NDRG2: variants seen among roughly 807,000 people sequenced by gnomAD.
The protein encoded by NDRG2 is protein NDRG2.
In NDRG2, 34 loss-of-function variants were observed where a neutral mutation model predicts 58.2. The observed-to-expected ratio is 0.58, with a 90% CI of 0.44 to 0.78. The LOEUF (loss-of-function observed/expected upper bound fraction) is 0.78. NDRG2 is among the 30% of genes least tolerant of loss of function. The pLI, the probability that NDRG2 is intolerant of heterozygous loss-of-function variation, is 0.00. For synonymous variants in NDRG2, 187 were observed against 175.9 expected, an observed-to-expected ratio of 1.06 and a Z score of -0.50; for missense variants, 434 against 471.2, an observed-to-expected ratio of 0.92 and a Z score of 0.73.
intron 1 of NDRG2, among the ~76,000 whole-genome samples, chr14:21,053,700 A>T (rs1885563098): frequency 6.6e-6 from 1 of 152,116 alleles, no homozygotes; most frequent in Admixed American, 6.6e-5. Context: ...GCTACTCAGG[A>T]GGCTGACGTA....
At chr14:21,056,377 C>T (rs1885675099) in intron 1 of NDRG2, among the ~76,000 whole-genome samples, 1 of 152,158 alleles carries the variant, frequency 6.6e-6, no homozygotes, top group South Asian at 2.1e-4. Flanking sequence ...CTGAGTAATG[C>T]CATCTTTCAA....
In NDRG2 at chr14:21,018,464, A is replaced by T. The variant is rs780991164; in HGVS notation, c.854T>A (p.Phe285Tyr). ...NSKLDPTQTSFLKMADSGGQP... is the reference protein window; with the variant it reads ...NSKLDPTQTSYLKMADSGGQP... ...CAGGAACAGGTTACTGACCTTGAGG[A>T]ACGAGGTCTGGGTGGGGTCCAGTTT... Residue 285 changes from phenylalanine (F) to tyrosine (Y), a missense_variant, in exon 13 of 16, where the codon TTC becomes TAC. By Grantham distance (22) the Phe-to-Tyr change is conservative. Transcript: ENST00000556147. 1.9e-6 allele frequency: 3 copies of T among 1,613,992 alleles called. No homozygotes were observed. The South Asian group carries it at 3.3e-5, about 18-fold the overall frequency.
In NDRG2 at chr14:21,024,857, C is replaced by T. The variant is rs372405202; in HGVS notation, c.-834G>A. 4 of 985,736 alleles carry T rather than the reference C, an allele frequency of 4.1e-6. No homozygotes were observed. The highest frequency in any genetic ancestry group is 1.1e-4 in the East Asian group (1 of 8,796). 61.1% of individuals were successfully genotyped at this position (985,736 alleles called of 1,614,324 possible). On this transcript the variant is annotated 5_prime_UTR_variant, in exon 1 of 16. It adds an upstream start codon to the 5' untranslated region. Coordinates refer to ENST00000556147, the MANE Select transcript of NDRG2 (RefSeq NM_001320329.2). ...CACAACCTCGCGCGCACCCCAAACA[C>T]GCCCTGCAGCTCTTGGAGCCTCAGC...
At chr14:21,041,104 C>T (rs1884876422) in intron 1 of NDRG2, among the ~76,000 whole-genome samples, 1 of 152,068 alleles carries the variant, frequency 6.6e-6, no homozygotes, top group African/African-American at 2.4e-5. Context: ...AGCAATCCTC[C>T]CTCCTCAGCC....
At chr14:21,058,413 C>A in intron 1 of NDRG2, 1 of 1,290,260 alleles carries the variant, frequency 7.8e-7, no homozygotes, top group African/African-American at 1.5e-5. Context: ...GCTGCTTTTC[C>A]TCCCTCCAGT....
chr14:21,068,158 C>T lies in NDRG2; in HGVS notation c.24+2670G>A, dbSNP rs1467549011. 4.1e-5 allele frequency among the ~76,000 whole-genome samples: 2 copies of T among 49,190 alleles called. 1 individual carries two copies. The highest frequency in any genetic ancestry group is 1.2e-4 in the Non-Finnish European group (2 of 16,850). The allele number at this position is 49,190 out of a possible 152,430, so 32.3% of individuals were successfully genotyped here. A position where few individuals can be genotyped will look rare whatever the true frequency, so the allele number is the denominator to read the frequency against. On this transcript the variant is annotated intron_variant, in intron 1 of 14. Transcript: ENST00000403829. ...GGGACTACAGGCGCCCGCTACCACG[C>T]CCGGCTAATTTTTTGTATTTTTAGT...
intron 1 of NDRG2, among the ~76,000 whole-genome samples, chr14:21,061,356 C>A (rs1885948427): frequency 6.6e-6 from 1 of 152,136 alleles, no homozygotes; most frequent in Non-Finnish European, 1.5e-5. Flanking sequence ...CTAATTATAT[C>A]CAAACAAGTG....
upstream of NDRG2, among the ~76,000 whole-genome samples, chr14:21,027,385 A>C (rs1883764865): frequency 6.6e-6 from 1 of 151,806 alleles, no homozygotes; most frequent in African/African-American, 2.4e-5. Flanking sequence ...CAAAGTGTGC[A>C]TCTGGTCACA....
At chr14:21,042,957 C>T (rs1241567233) in intron 1 of NDRG2, 2 of 1,579,670 alleles carry the variant, frequency 1.3e-6, no homozygotes, top group Non-Finnish European at 1.7e-6. Flanking sequence ...TCCCAGCGAC[C>T]CCTGCCCTCC....
intron 1 of NDRG2, among the ~76,000 whole-genome samples, chr14:21,067,275 A>G (rs377344033): frequency 1.2e-5 from 1 of 81,902 alleles, no homozygotes; most frequent in African/African-American, 3.7e-5. Context: ...AGTCTAGAAA[A>G]AGGTAGGTTT....
chr14:21,022,239 A>G (rs1880879789), intron 4 of NDRG2, 57 bp from the exon 5 acceptor site: 2 of 1,612,904 alleles, frequency 1.2e-6, no homozygotes, highest in Non-Finnish European at 1.7e-6. Context: ...CGTGTCCCCC[A>G]GTCAGAACTC....
intron 12 of NDRG2, 43 bp downstream of exon 12, chr14:21,018,719 AC>A (rs1438499767): frequency 6.2e-7 from 1 of 1,612,630 alleles, no homozygotes; most frequent in Non-Finnish European, 8.5e-7. Flanking sequence ...CCACTTTAGG[AC>A]CCCAACCCTC....
chr14:21,029,801 C>T (rs962219577), upstream of NDRG2, among the ~76,000 whole-genome samples: 3 of 152,064 alleles, frequency 2.0e-5, no homozygotes, highest in Admixed American at 6.5e-5. Context: ...ATCTATGGAC[C>T]GGAAAGCAGC....
rs1025511681 is a variant in NDRG2 at position 21,034,667 on chromosome 14, C to T, written c.25-11346G>A. 4 of 197,718 alleles carry T rather than the reference C, an allele frequency of 2.0e-5. No homozygotes were observed. In the Admixed American group the frequency reaches 2.2e-4, roughly 11 times the overall value. The allele number at this position is 197,718 out of a possible 1,614,324, so 12.2% of individuals were successfully genotyped here. A position where few individuals can be genotyped will look rare whatever the true frequency, so the allele number is the denominator to read the frequency against. ...AGGAGCAGGCTGACCTGACAATTCT[C>T]TGGCAGCTGGGAGGAAGGACAGGAG... On this transcript the variant is annotated intron_variant, in intron 1 of 14. Coordinates refer to the NDRG2 transcript ENST00000403829.
intron 10 of NDRG2, 158 bp downstream of exon 10, chr14:21,019,477 CACTG>C: frequency 3.2e-6 from 2 of 618,102 alleles, no homozygotes; most frequent in Non-Finnish European, 5.8e-6. Flanking sequence ...CAATCCTTCC[CACTG>C]ACTCTGTCCT....
upstream of NDRG2, chr14:21,025,683 T>C: frequency 1.0e-6 from 1 of 984,672 alleles, no homozygotes; most frequent in Non-Finnish European, 1.2e-6. This position sits in a 1 kb window ranked among gnomAD's most constrained non-coding sequence, Gnocchi z 5.1. Flanking sequence ...GTACCTCTCC[T>C]CTCTTTGCTG....
At chr14:21,060,129 T>C (rs1885882577) in intron 1 of NDRG2, among the ~76,000 whole-genome samples, 1 of 152,142 alleles carries the variant, frequency 6.6e-6, no homozygotes, top group Non-Finnish European at 1.5e-5. Flanking sequence ...GAAAGAGAGT[T>C]TCCTACACAG....
chr14:21,031,219 C>T, intron 1 of NDRG2: 1 of 1,588,570 alleles, frequency 6.3e-7, no homozygotes, highest in Non-Finnish European at 8.6e-7. Flanking sequence ...CCCATTGTTC[C>T]AGTCTACCCT....
intron 1 of NDRG2, chr14:21,034,127 A>G: frequency 6.2e-7 from 1 of 1,614,198 alleles, no homozygotes; most frequent in South Asian, 1.1e-5. Context: ...AGGACATCAG[A>G]CCATTACAAT....
Sources: allele counts gnomAD v4.1 joint callset (sites outside exome capture counted in the v4.1 genomes callset), GRCh38; gene constraint gnomAD v4.1.1; non-coding constraint Gnocchi (gnomAD v3.1); transcripts MANE v1.5; gene names NCBI Gene and HGNC (gene_info 2026-07-23, HGNC 2026-07-21).